The following OCM variants were observed in gnomAD, a reference collection of about 807,000 sequenced individuals.
The protein encoded by OCM is oncomodulin-1.
In OCM, 18 loss-of-function variants were observed where a neutral mutation model predicts 14.1. The observed-to-expected ratio is 1.28, with a 90% CI of 0.88 to 1.89. OCM has a LOEUF of 1.89. OCM is among the 40% of genes most tolerant of loss of function. OCM has a pLI of 0.00. For synonymous variants in OCM, 48 were observed against 51.0 expected (o/e 0.94, Z 0.25); for missense variants, 140 against 137.6 (o/e 1.02, Z -0.09).
At chr7:5,884,223 G>C (rs41280708) in intron 3 of OCM, among the ~76,000 whole-genome samples, 34,622 of 152,110 alleles carry the variant, frequency 0.23, 4,744 homozygotes, top group Admixed American at 0.38. Context: ...GGTCACACTG[G>C]TCATTGTCTA....
the OCM span, among the ~76,000 whole-genome samples, chr7:5,862,168 A>G: frequency 6.6e-6 from 1 of 152,194 alleles, no homozygotes; most frequent in Non-Finnish European, 1.5e-5. Flanking sequence ...CAGGATCCAT[A>G]CACCAGCATG....
At chr7:5,862,811 C>T in the OCM span, among the ~76,000 whole-genome samples, 1 of 152,068 alleles carries the variant, frequency 6.6e-6, no homozygotes, top group Non-Finnish European at 1.5e-5. Flanking sequence ...GCATCATGGA[C>T]TCCTCTACTC....
the OCM span, among the ~76,000 whole-genome samples, chr7:5,860,660 G>A: frequency 3.4e-5 from 3 of 87,870 alleles, 1 homozygote; most frequent in Non-Finnish European, 6.2e-5. Context: ...TATATATTAC[G>A]TATATATACG....
upstream of OCM, among the ~76,000 whole-genome samples, chr7:5,878,696 A>G (rs1781146739): frequency 1.3e-5 from 2 of 151,690 alleles, no homozygotes; most frequent in Admixed American, 6.6e-5. Flanking sequence ...GCAGTGAGCC[A>G]AGATCATGTC....
At chr7:5,883,833 A>G (rs1006448255) in intron 2 of OCM, 57 bp from the exon 3 acceptor site, 2 of 1,604,914 alleles carry the variant, frequency 1.2e-6, no homozygotes, top group African/African-American at 2.7e-5. Context: ...ACAAAAGTGT[A>G]AACACAGAGA....
rs1367653271 is a variant in OCM at position 5,884,055 on chromosome 7, G to A, written c.304+56G>A. The stretch of plus-strand genomic sequence containing the variant: ...ACTCTAGCTCAGGAAGCATCCGTGA[G>A]GGCTTGGGCTGTGAGATCAAACCAA... On this transcript the variant is annotated intron_variant, in intron 3 of 3. Coordinates refer to ENST00000242104, the MANE Select transcript of OCM (RefSeq NM_001097622.2). The A allele has an allele frequency of 5.0e-6, 8 of 1,600,124 alleles. No homozygotes were observed. The Admixed American group carries it at 1.4e-4, about 27-fold the overall frequency.
chr7:5,861,651 C>A, the OCM span, among the ~76,000 whole-genome samples: 1 of 152,136 alleles, frequency 6.6e-6, no homozygotes, highest in Admixed American at 6.6e-5. Context: ...TCCTCTCTCA[C>A]CAGTGCTTGG....
chr7:5,879,356 A>C (rs535203878), upstream of OCM, among the ~76,000 whole-genome samples: 8 of 152,202 alleles, frequency 5.3e-5, no homozygotes, highest in African/African-American at 1.9e-4. Flanking sequence ...GAAACGTCAA[A>C]GTCAAGAGTT....
chr7:5,860,516 G>GTAA, the OCM span, among the ~76,000 whole-genome samples: 1 of 115,954 alleles, frequency 8.6e-6, no homozygotes, highest in Non-Finnish European at 1.7e-5. Context: ...ATATATACGT[G>GTAA]TATATATACG....
the OCM span, among the ~76,000 whole-genome samples, chr7:5,863,923 A>G: frequency 2.6e-4 from 39 of 151,714 alleles, no homozygotes; most frequent in African/African-American, 8.5e-4. Flanking sequence ...ACCTGGGGAC[A>G]CTCTCCTCTG....
At chr7:5,880,305 A>G (rs528862518), upstream of OCM, among the ~76,000 whole-genome samples, 6 of 152,182 alleles carry the variant, frequency 3.9e-5, no homozygotes, top group South Asian at 2.1e-4. Flanking sequence ...TTATAAGAAA[A>G]CAATTGAATC....
upstream of OCM, among the ~76,000 whole-genome samples, chr7:5,875,364 A>C (rs1170469147): frequency 6.6e-6 from 1 of 151,964 alleles, no homozygotes; most frequent in Admixed American, 6.6e-5. Context: ...GCCTGAATCA[A>C]TATTTGATGC....
At chr7:5,859,911 C>T in the OCM span, among the ~76,000 whole-genome samples, 1 of 152,058 alleles carries the variant, frequency 6.6e-6, no homozygotes, top group Non-Finnish European at 1.5e-5. Context: ...TGGTCTTGAA[C>T]TCCTGATCTT....
chr7:5,869,822 G>A, the OCM span, among the ~76,000 whole-genome samples: 1 of 152,056 alleles, frequency 6.6e-6, no homozygotes, highest in Non-Finnish European at 1.5e-5. Context: ...CACTCAACTT[G>A]CCGGGTCCAT....
the OCM span, among the ~76,000 whole-genome samples, chr7:5,862,795 A>T: frequency 6.6e-6 from 1 of 152,148 alleles, no homozygotes; most frequent in African/African-American, 2.4e-5. Flanking sequence ...TGAGCTCAAG[A>T]TGAATGCATC....
the OCM span, among the ~76,000 whole-genome samples, chr7:5,867,190 C>T: frequency 6.6e-6 from 1 of 152,118 alleles, no homozygotes; most frequent in Non-Finnish European, 1.5e-5. Flanking sequence ...TGCATTGTTT[C>T]TGATCAGAAG....
the OCM span, among the ~76,000 whole-genome samples, chr7:5,872,750 G>C: frequency 1.3e-5 from 2 of 152,008 alleles, no homozygotes; most frequent in African/African-American, 4.8e-5. Flanking sequence ...AAGGCCGCAG[G>C]GTCCTCTGCC....
the OCM span, among the ~76,000 whole-genome samples, chr7:5,861,979 A>C: frequency 6.6e-6 from 1 of 152,138 alleles, no homozygotes; most frequent in Non-Finnish European, 1.5e-5. Context: ...TGCACACTAC[A>C]GCCTCAAACT....
At chr7:5,877,404 GC>G (rs1490381476), upstream of OCM, among the ~76,000 whole-genome samples, 5 of 150,580 alleles carry the variant, frequency 3.3e-5, no homozygotes, top group Admixed American at 1.3e-4. Flanking sequence ...GGAGGTCAAG[GC>G]TGCAGTGAGC....
Sources: allele counts gnomAD v4.1 joint callset (sites outside exome capture counted in the v4.1 genomes callset), GRCh38; gene constraint gnomAD v4.1.1; transcripts MANE v1.5; gene names NCBI Gene and HGNC (gene_info 2026-07-23, HGNC 2026-07-21).